TMEM132C: variants seen among roughly 807,000 people sequenced by gnomAD.
The protein encoded by TMEM132C is transmembrane protein 132C.
A neutral mutation model predicts 61.4 loss-of-function variants in TMEM132C; 29 were observed. The observed-to-expected ratio is 0.47, with a 90% CI of 0.35 to 0.64. The LOEUF (loss-of-function observed/expected upper bound fraction) is 0.64, where lower values mean the gene tolerates loss of function less well. Ranked by LOEUF, TMEM132C falls within the 30% of genes least tolerant of loss-of-function variation. TMEM132C has a pLI of 0.00. For synonymous variants in TMEM132C, 656 were observed against 633.1 expected, an observed-to-expected ratio of 1.04 and a Z score of -0.54; for missense variants, 1,408 against 1,476.9, an observed-to-expected ratio of 0.95 and a Z score of 0.76.
intron 1 of TMEM132C, among the ~76,000 whole-genome samples, chr12:128,365,523 T>TC (rs1289734151): frequency 6.6e-6 from 1 of 152,186 alleles, no homozygotes; most frequent in Non-Finnish European, 1.5e-5. Context: ...AGAATTGTCC[T>TC]CCCCCTACTT....
chr12:128,309,113 G>A (rs533744691), intron 1 of TMEM132C, among the ~76,000 whole-genome samples: 2 of 152,252 alleles, frequency 1.3e-5, no homozygotes, highest in South Asian at 2.1e-4. Context: ...GTGATCTCCC[G>A]TGACGGGACT....
At chr12:128,615,649 C>T (rs377500930) in intron 3 of TMEM132C, among the ~76,000 whole-genome samples, 1 of 152,104 alleles carries the variant, frequency 6.6e-6, no homozygotes, top group South Asian at 2.1e-4. Flanking sequence ...ATAATGTGAG[C>T]TATGGGGAGT....
At chr12:128,429,443 C>T (rs1307169595) in intron 2 of TMEM132C, among the ~76,000 whole-genome samples, 5 of 152,154 alleles carry the variant, frequency 3.3e-5, no homozygotes, top group African/African-American at 9.7e-5. Context: ...GAAAAGCCAC[C>T]GTGCTTCTCT....
intron 1 of TMEM132C, among the ~76,000 whole-genome samples, chr12:128,391,268 G>A (rs905409255): frequency 4.6e-5 from 7 of 152,192 alleles, no homozygotes; most frequent in Non-Finnish European, 8.8e-5. Flanking sequence ...GGAGTGGCCT[G>A]AAGGCCAGGA....
intron 3 of TMEM132C, among the ~76,000 whole-genome samples, chr12:128,569,626 G>A (rs948061323): frequency 6.6e-6 from 1 of 152,202 alleles, no homozygotes; most frequent in Non-Finnish European, 1.5e-5. Flanking sequence ...CAGGTGACAT[G>A]AAGACAGAGC....
At chr12:128,699,846 G>A (rs1954791760) in intron 8 of TMEM132C, among the ~76,000 whole-genome samples, 1 of 152,184 alleles carries the variant, frequency 6.6e-6, no homozygotes, top group Non-Finnish European at 1.5e-5. Context: ...GCCCCAGAGT[G>A]TCAGCAGGAG....
intron 3 of TMEM132C, among the ~76,000 whole-genome samples, chr12:128,551,797 C>T (rs1593097345): frequency 1.3e-5 from 2 of 152,074 alleles, no homozygotes; most frequent in Non-Finnish European, 2.9e-5. Context: ...ACCAGGTGTC[C>T]GGGTGAGTCT....
chr12:128,516,145 G>T (rs1158321342), intron 2 of TMEM132C, among the ~76,000 whole-genome samples: 1 of 152,016 alleles, frequency 6.6e-6, no homozygotes, highest in African/African-American at 2.4e-5. Flanking sequence ...TCTTTTCACT[G>T]GATTTAAAAA....
At chr12:128,353,690 GGCTGGAAGT>G (rs370270131) in intron 1 of TMEM132C, among the ~76,000 whole-genome samples, 128 of 152,288 alleles carry the variant, frequency 8.4e-4, no homozygotes, top group African/African-American at 2.7e-3. Context: ...GAGGCAGCCT[GGCTGGAAGT>G]GCTGTCTCTG....
chr12:128,470,705 A>G (rs1176183958), intron 2 of TMEM132C, among the ~76,000 whole-genome samples: 1 of 152,204 alleles, frequency 6.6e-6, no homozygotes, highest in Non-Finnish European at 1.5e-5. Flanking sequence ...GAATGTGTTC[A>G]AGTTTTGGTG....
chr12:128,447,947 C>T lies in TMEM132C; in HGVS notation c.974+32327C>T, dbSNP rs1327348984. On this transcript the variant is annotated intron_variant, in intron 2 of 8. Coordinates refer to ENST00000435159, the MANE Select transcript of TMEM132C (RefSeq NM_001136103.3). ...TTCACCTTGTTAGCCAGGATGGTCT[C>T]GATCTCCTGACCTCATGATCCACCC... Among the ~76,000 whole-genome samples the T allele has an allele frequency of 1.4e-4, 13 of 95,540 alleles. 3 individuals are homozygous for T. Among genetic ancestry groups the T allele is most frequent in the African/African-American group, 3.4e-4 (6 of 17,796 alleles). The allele number at this position is 95,540 out of a possible 152,430, so 62.7% of individuals were successfully genotyped here.
At chr12:128,388,268 G>A (rs1298214928) in intron 1 of TMEM132C, among the ~76,000 whole-genome samples, 2 of 152,244 alleles carry the variant, frequency 1.3e-5, no homozygotes, top group East Asian at 1.9e-4. Flanking sequence ...CTGGTGATCC[G>A]AAGACCCAAG....
Position 128,695,842 on chromosome 12 carries a change from G to C in TMEM132C, c.1668G>C (p.Glu556Asp). 2 of 1,547,098 alleles carry C rather than the reference G, an allele frequency of 1.3e-6. No individual in the cohort carries two copies. Among genetic ancestry groups the C allele is most frequent in the Non-Finnish European group, 1.7e-6 (2 of 1,144,172 alleles). Residue 556 changes from glutamate (E) to aspartate (D), a missense_variant, in exon 7 of 9, where the codon GAG becomes GAC. Coordinates refer to ENST00000435159, the MANE Select transcript of TMEM132C (RefSeq NM_001136103.3). ...PIVTNKRPTR[E>D]SEDEDEEERR... ...CCCTTCCCACAAGGCCCACTCGTGA[G>C]AGCGAGGATGAGGACGAGGAGGAGC... is the stretch of plus-strand genomic sequence containing the variant.
chr12:128,379,971 G>A (rs969741033), intron 1 of TMEM132C, among the ~76,000 whole-genome samples: 9 of 152,194 alleles, frequency 5.9e-5, no homozygotes, highest in East Asian at 1.9e-4. Context: ...GACACTAGCC[G>A]ATCAAGCACT....
At chr12:128,533,936 C>T (rs1873419968) in intron 2 of TMEM132C, among the ~76,000 whole-genome samples, 1 of 131,142 alleles carries the variant, frequency 7.6e-6, no homozygotes, top group African/African-American at 2.8e-5. Flanking sequence ...ATGCTCCTCA[C>T]ACATGCGCAC....
At chr12:128,660,758 C>T (rs1954380102) in intron 4 of TMEM132C, among the ~76,000 whole-genome samples, 1 of 152,166 alleles carries the variant, frequency 6.6e-6, no homozygotes, top group Non-Finnish European at 1.5e-5. Context: ...CTGCAGTCCA[C>T]AAGCCCTGAA....
At chr12:128,596,464 A>G (rs1875955159) in intron 3 of TMEM132C, among the ~76,000 whole-genome samples, 1 of 146,396 alleles carries the variant, frequency 6.8e-6, no homozygotes, top group Admixed American at 6.8e-5. Context: ...GCAGGGCTTC[A>G]CTGATCCCAT....
At chr12:128,591,522 C>T (rs1875749077) in intron 3 of TMEM132C, among the ~76,000 whole-genome samples, 1 of 152,156 alleles carries the variant, frequency 6.6e-6, no homozygotes, top group Non-Finnish European at 1.5e-5. Flanking sequence ...GTTTCTCCTC[C>T]TGGGCTTTTA....
At chr12:128,697,868 C>T (rs1230720588) in intron 8 of TMEM132C, among the ~76,000 whole-genome samples, 1 of 152,170 alleles carries the variant, frequency 6.6e-6, no homozygotes, top group African/African-American at 2.4e-5. Flanking sequence ...GCACACACTC[C>T]CCTTGCACTT....
Sources: allele counts gnomAD v4.1 joint callset (sites outside exome capture counted in the v4.1 genomes callset), GRCh38; gene constraint gnomAD v4.1.1; transcripts MANE v1.5; gene names NCBI Gene and HGNC (gene_info 2026-07-23, HGNC 2026-07-21).